Variants in ROR1 observed in about 807,000 individuals in gnomAD.
The protein encoded by ROR1 is inactive tyrosine-protein kinase transmembrane receptor ROR1.
In ROR1, 19 loss-of-function variants were observed where a neutral mutation model predicts 78.8. The observed-to-expected ratio is 0.24, with a 90% confidence interval of 0.17 to 0.35. The LOEUF is 0.35. Among genes scored for constraint, ROR1 ranks in the 10% least tolerant of loss-of-function variants. The probability of loss-of-function intolerance (pLI) is 1.00; values close to 1 mark genes in which losing one functional copy is unlikely to be tolerated. For missense variants in ROR1, 917 were observed against 1,177.8 expected (o/e 0.78, Z 3.24); for synonymous variants, 386 against 433.6 (o/e 0.89, Z 1.36).
intron 1 of ROR1, among the ~76,000 whole-genome samples, chr1:63,807,040 C>T (rs1001948492): frequency 3.3e-5 from 5 of 152,102 alleles, no homozygotes; most frequent in South Asian, 4.1e-4. Context: ...TTAGATCTCA[C>T]GGTTCTAATT....
intron 7 of ROR1, among the ~76,000 whole-genome samples, chr1:64,146,063 G>T (rs892951352): frequency 6.6e-6 from 1 of 152,194 alleles, no homozygotes; most frequent in Non-Finnish European, 1.5e-5. Flanking sequence ...ACAGGATCTT[G>T]CTACGTTGCC....
chr1:64,057,486 A>G (rs1331008473), intron 4 of ROR1, among the ~76,000 whole-genome samples: 1 of 152,226 alleles, frequency 6.6e-6, no homozygotes, highest in African/African-American at 2.4e-5. Context: ...AGAATTTGCT[A>G]AAATCCTTAG....
chr1:63,837,258 T>A (rs887113003), intron 1 of ROR1, among the ~76,000 whole-genome samples: 1 of 152,184 alleles, frequency 6.6e-6, no homozygotes, highest in Admixed American at 6.5e-5. Context: ...TTCCAATAAT[T>A]GTATTCTTTT....
At chr1:64,032,590 T>G (rs1283395392) in intron 2 of ROR1, among the ~76,000 whole-genome samples, 1 of 152,146 alleles carries the variant, frequency 6.6e-6, no homozygotes, top group Non-Finnish European at 1.5e-5. Context: ...GGGACCAGAC[T>G]CCATCCCCTG....
At chr1:64,093,145 A>G (rs1647217638) in intron 4 of ROR1, among the ~76,000 whole-genome samples, 1 of 152,074 alleles carries the variant, frequency 6.6e-6, no homozygotes, top group Non-Finnish European at 1.5e-5. Context: ...CATTTCCTAT[A>G]TTATATTAAG....
chr1:63,943,385 C>T (rs939065497), intron 1 of ROR1, among the ~76,000 whole-genome samples: 1 of 152,160 alleles, frequency 6.6e-6, no homozygotes, highest in African/African-American at 2.4e-5. Flanking sequence ...AATTACCCTT[C>T]CCAGGTTAGA....
In ROR1 at chr1:64,142,386, G is replaced by GT; in HGVS notation, c.929-14dup. On this transcript the variant is annotated intron_variant, in intron 6 of 8. Coordinates refer to ENST00000371079, the MANE Select transcript of ROR1 (RefSeq NM_005012.4). ...CCTATGTTTCTTTCTAATTGTTTGG[G>GT]TTTTTGTGTGTTTTTCAGATCACAA... The GT allele has an allele frequency of 6.2e-7, 1 of 1,612,838 alleles. No homozygotes were observed. Among genetic ancestry groups the GT allele is most frequent in the Non-Finnish European group, 8.5e-7 (1 of 1,179,250 alleles).
chr1:63,867,759 C>G (rs544116677), intron 1 of ROR1, among the ~76,000 whole-genome samples: 1 of 152,318 alleles, frequency 6.6e-6, no homozygotes, highest in Non-Finnish European at 1.5e-5. Context: ...TGTCCTTTAT[C>G]CTTTAAAAGA....
At position 63,809,459 on chromosome 1, in the gene ROR1, C is replaced by T. The variant is rs186119469; in HGVS notation, c.91+34951C>T. Among the ~76,000 whole-genome samples the T allele has an allele frequency of 9.8e-5, 15 of 152,296 alleles. No individual in the cohort carries two copies. In the East Asian group the frequency reaches 2.9e-3, roughly 29 times the overall value. ...AAACAGTGGGTCTGAAATATATAGT[C>T]TGCTTCCAAATTGGGTTTAAATTAG... On this transcript the variant is annotated intron_variant, in intron 1 of 8. Transcript: ENST00000371079.
rs559566566 is a variant in ROR1, at chr1:63,915,006, T to C, written c.92-94299T>C. Among the ~76,000 whole-genome samples, 7 of 152,296 alleles carry C rather than the reference T, an allele frequency of 4.6e-5. No individual in the cohort carries two copies. In the South Asian group the frequency reaches 1.5e-3, roughly 32 times the overall value. On this transcript the variant is annotated intron_variant, in intron 1 of 8. Coordinates refer to ENST00000371079, the MANE Select transcript of ROR1 (RefSeq NM_005012.4). ...TTAATTGCAAAGCACTGTACCACTG[T>C]GTTCATAGCTACCCTTTATTGAATA... is the stretch of plus-strand genomic sequence containing the variant.
At chr1:64,111,600 C>G (rs1324975845) in intron 4 of ROR1, among the ~76,000 whole-genome samples, 1 of 152,160 alleles carries the variant, frequency 6.6e-6, no homozygotes, top group East Asian at 1.9e-4. Context: ...GGTACATTGT[C>G]CGTGGCTCCA....
intron 1 of ROR1, among the ~76,000 whole-genome samples, chr1:63,821,605 T>C (rs1644923842): frequency 6.6e-6 from 1 of 152,122 alleles, no homozygotes; most frequent in Admixed American, 6.5e-5. Flanking sequence ...TGAGTGCAGG[T>C]CTCTTAGTGG....
intron 1 of ROR1, among the ~76,000 whole-genome samples, chr1:63,998,835 A>G (rs961747598): frequency 4.6e-5 from 7 of 152,252 alleles, no homozygotes; most frequent in Middle Eastern, 3.4e-3. Flanking sequence ...CATAATTTCC[A>G]TGTGTTGAGG....
intron 2 of ROR1, among the ~76,000 whole-genome samples, chr1:64,016,638 G>A (rs1210751406): frequency 6.6e-6 from 1 of 150,898 alleles, no homozygotes; most frequent in Non-Finnish European, 1.5e-5. Flanking sequence ...TAAAATTCTA[G>A]GAACTACTTT....
At chr1:63,974,998 T>G (rs907320646) in intron 1 of ROR1, among the ~76,000 whole-genome samples, 6 of 152,186 alleles carry the variant, frequency 3.9e-5, no homozygotes, top group Admixed American at 3.9e-4. Context: ...GACTTACAGG[T>G]TTTCTCCCAA....
intron 1 of ROR1, among the ~76,000 whole-genome samples, chr1:63,973,859 C>T (rs1646137368): frequency 6.6e-6 from 1 of 152,156 alleles, no homozygotes; most frequent in African/African-American, 2.4e-5. Context: ...TTATTTCTTA[C>T]AACATGCCTA....
intron 1 of ROR1, among the ~76,000 whole-genome samples, chr1:63,908,731 A>G (rs1179562026): frequency 1.3e-5 from 2 of 152,156 alleles, no homozygotes; most frequent in African/African-American, 4.8e-5. Flanking sequence ...TGTTACTACC[A>G]CCTTGTACTA....
chr1:63,997,719 G>C (rs1646349087), intron 1 of ROR1, among the ~76,000 whole-genome samples: 1 of 152,040 alleles, frequency 6.6e-6, no homozygotes, highest in Non-Finnish European at 1.5e-5. Context: ...TTAGAGACAG[G>C]GGTCGAAAAA....
At chr1:63,854,485 A>G (rs546587942) in intron 1 of ROR1, among the ~76,000 whole-genome samples, 1 of 152,318 alleles carries the variant, frequency 6.6e-6, no homozygotes, top group East Asian at 1.9e-4. Flanking sequence ...GAGGTTTTAC[A>G]AATAGGTGAC....
Sources: gnomAD v4.1 joint callset for allele counts (sites outside exome capture counted in the v4.1 genomes callset) on GRCh38, gnomAD v4.1.1 for gene constraint, MANE v1.5 for transcripts, NCBI Gene and HGNC (gene_info 2026-07-23, HGNC 2026-07-21) for gene names.